The following MICALL2 variants were observed in gnomAD, a reference collection of about 807,000 sequenced individuals.
MICALL2 encodes MICAL-like protein 2.
A neutral mutation model predicts 91.1 loss-of-function variants in MICALL2; 111 were observed. The observed-to-expected ratio is 1.22, with a 90% CI of 1.04 to 1.43. The LOEUF (loss-of-function observed/expected upper bound fraction) is 1.43, where lower values mean the gene tolerates loss of function less well. MICALL2 is among the 40% of genes most tolerant of loss of function. The pLI is 0.00. For synonymous variants in MICALL2, 694 were observed against 525.3 expected, an observed-to-expected ratio of 1.32 and a Z score of -4.39; for missense variants, 1,556 against 1,236.0, an observed-to-expected ratio of 1.26 and a Z score of -3.88.
At position 1,434,557 on chromosome 7, in the gene MICALL2, G is replaced by A. The variant is rs1584189191; in HGVS notation, c.*39C>T. ...GCCCATGGCCCCGAGTCCAAGTCCG[G>A]ATGCCAGGTCCGGGCCGAGCCCACG... On this transcript the variant is annotated 3_prime_UTR_variant, in exon 17 of 17. Transcript: ENST00000297508. The A allele has an allele frequency of 4.5e-6, 7 of 1,558,422 alleles. No individual in the cohort carries two copies. The Admixed American group carries it at 8.4e-5, about 19-fold the overall frequency.
In MICALL2 at chr7:1,444,967, G is replaced by A. The variant is rs1271289393; in HGVS notation, c.1103C>T (p.Ala368Val). 6.6e-7 allele frequency: 1 copy of A among 1,506,750 alleles called. No homozygotes were observed. The highest frequency in any genetic ancestry group is 1.4e-5 in the African/African-American group (1 of 72,586). The allele number at this position is 1,506,750 out of a possible 1,614,324, so 93.3% of individuals were successfully genotyped here. ...GGGTGTGGCCGGGCGAGGGTCTGGG[G>A]CACTCGGGGGCACGGCGGGATGGGA... is the stretch of plus-strand genomic sequence containing the variant. ...AASHPAVPPS[A>V]PDPRPATPQG... The change falls in exon 6 of 17, where the codon GCC (alanine) becomes GTC (valine). Residue 368 changes from alanine (A) to valine (V), a missense_variant. Ala to Val is a moderately conservative substitution (Grantham distance 64). Coordinates refer to ENST00000297508, the MANE Select transcript of MICALL2 (RefSeq NM_182924.4).
At chr7:1,437,480 T>A in intron 14 of MICALL2, 55 bp downstream of exon 14, 4 of 1,457,710 alleles carry the variant, frequency 2.7e-6, no homozygotes, top group Non-Finnish European at 3.6e-6. Flanking sequence ...CCAGACATCC[T>A]GGGCTCCGCG....
chr7:1,439,873 G>C (rs898742278), intron 9 of MICALL2, 52 bp downstream of exon 9: 1 of 1,377,792 alleles, frequency 7.3e-7, no homozygotes, highest in Non-Finnish European at 9.4e-7. Context: ...CCCACCCAAG[G>C]GGGAGGGCCA....
At chr7:1,458,760 TC>T in intron 1 of MICALL2, among the ~76,000 whole-genome samples, 1 of 152,026 alleles carries the variant, frequency 6.6e-6, no homozygotes, top group Non-Finnish European at 1.5e-5. Context: ...CCTGGCCACA[TC>T]CCCCCAGGGG....
At chr7:1,450,195 C>A (rs1780774471) in intron 2 of MICALL2, 45 bp downstream of exon 2, 1 of 1,555,372 alleles carries the variant, frequency 6.4e-7, no homozygotes, top group East Asian at 2.2e-5. Context: ...TGGGGCTCAG[C>A]AGGCTGGCTA....
intron 1 of MICALL2, among the ~76,000 whole-genome samples, chr7:1,456,161 C>T (rs1374945847): frequency 3.3e-5 from 5 of 150,882 alleles, no homozygotes; most frequent in Non-Finnish European, 1.5e-5. Context: ...CGGCTCACAT[C>T]TGTAATCCCA....
At chr7:1,436,986 G>A in intron 14 of MICALL2, 130 bp from the exon 15 acceptor site, 1 of 612,540 alleles carries the variant, frequency 1.6e-6, no homozygotes, top group Non-Finnish European at 2.7e-6. Flanking sequence ...GGGGGATCCG[G>A]AGCAGAATGA....
At position 1,459,262 on chromosome 7, in the gene MICALL2, T is replaced by C. The variant is rs754395982; in HGVS notation, c.65A>G (p.Asn22Ser). 1.2e-6 allele frequency: 2 copies of C among 1,610,144 alleles called. No homozygotes were observed. The highest frequency in any genetic ancestry group is 2.2e-5 in the South Asian group (2 of 90,534). ...RQQCEGYRDV[N>S]ICNMTTSFRD... is the part of the protein sequence containing the mutation. ...GAACGACGTGGTCATGTTGCAGATA[T>C]TCACGTCGCGGTAGCCCTCGCACTG... Residue 22 changes from asparagine (N) to serine (S), a missense_variant, in exon 1 of 17, where the codon AAT becomes AGT. Asn to Ser is a conservative substitution (Grantham distance 46, BLOSUM62 1). Coordinates refer to ENST00000297508, the MANE Select transcript of MICALL2 (RefSeq NM_182924.4).
rs147438085 is a variant in MICALL2, at chr7:1,443,266, G to C, written c.1419-782C>G. Among the ~76,000 whole-genome samples the C allele has an allele frequency of 5.3e-3, 803 of 151,364 alleles. 1 individual carries two copies. Among genetic ancestry groups the C allele is most frequent in the Non-Finnish European group, 9.6e-3 (652 of 67,752 alleles). ...CATCCTCAGTCCCTAGGATGCCCTG[G>C]ACACCCCCCAGTGCCAGGAGGAGCA... On this transcript the variant is annotated intron_variant, in intron 6 of 16. Coordinates refer to ENST00000297508, the MANE Select transcript of MICALL2 (RefSeq NM_182924.4).
intron 7 of MICALL2, chr7:1,441,436 G>A (rs1301415364): frequency 6.5e-6 from 1 of 153,338 alleles, no homozygotes; most frequent in Non-Finnish European, 1.5e-5. Flanking sequence ...GATCACCCAG[G>A]GGGCTAACCC....
chr7:1,448,902 G>A (rs1584227287), intron 2 of MICALL2, 141 bp from the exon 3 acceptor site: 8 of 974,382 alleles, frequency 8.2e-6, no homozygotes, highest in Admixed American at 2.4e-5. Flanking sequence ...TTCTGCTCGC[G>A]TGGCCTCCCG....
At position 1,437,914 on chromosome 7, in the gene MICALL2, C is replaced by G; in HGVS notation, c.2378G>C (p.Arg793Thr). 1 of 1,549,354 alleles carries G rather than the reference C, an allele frequency of 6.5e-7. No homozygotes were observed. The highest frequency in any genetic ancestry group is 8.7e-7 in the Non-Finnish European group (1 of 1,146,884). Reference protein sequence around the residue: ...WLIHEKQLLLRQESELMYKSK... With the variant: ...WLIHEKQLLLTQESELMYKSK... Reference sequence around the variant, plus strand: ...CTTGTACATCAGCTCTGACTCCTGTCTCAGCAGAAGCTGCTTCTCGTGAAT... The same window carrying G: ...CTTGTACATCAGCTCTGACTCCTGTGTCAGCAGAAGCTGCTTCTCGTGAAT... Residue 793 changes from arginine to threonine, a missense_variant, in exon 13 of 17, where the codon AGA (arginine) becomes ACA (threonine). By Grantham distance (71) the Arg-to-Thr change is moderately conservative. Coordinates refer to ENST00000297508, the MANE Select transcript of MICALL2 (RefSeq NM_182924.4).
intron 7 of MICALL2, chr7:1,441,708 G>A (rs148888763): frequency 0.048 from 8,625 of 179,420 alleles, 393 homozygotes; most frequent in Admixed American, 0.14. Context: ...ATAGGGCACC[G>A]TCACCGGGAC....
chr7:1,458,769 G>C (rs1781108148), intron 1 of MICALL2, among the ~76,000 whole-genome samples: 1 of 152,340 alleles, frequency 6.6e-6, no homozygotes, highest in Admixed American at 6.5e-5. Flanking sequence ...ATCCCCCCAG[G>C]GGCCTGAACA....
At chr7:1,439,441 GAC>G (rs200798085) in intron 9 of MICALL2, 95 of 178,260 alleles carry the variant, frequency 5.3e-4, no homozygotes, top group East Asian at 3.4e-3. Context: ...TGTACACATG[GAC>G]ACACATGCAT....
At chr7:1,439,490 T>TCA (rs140963409) in intron 9 of MICALL2, 177,503 of 188,134 alleles carry the variant, frequency 0.94, 83,875 homozygotes, top group East Asian at 1. Context: ...GACACATGCA[T>TCA]CACGTGTGGG....
Position 1,437,877 on chromosome 7 carries a change from G to A in MICALL2, c.2402+13C>T, listed in dbSNP as rs376437338. ...CCTGGCCTTCGAGGAGGGGCCCACG[G>A]CTGGGCTCTCACTTGTACATCAGCT... On this transcript the variant is annotated intron_variant, in intron 13 of 16. Transcript: ENST00000297508. 4 of 1,547,726 alleles carry A rather than the reference G, an allele frequency of 2.6e-6. No homozygotes were observed. The highest frequency in any genetic ancestry group is 1.4e-5 in the African/African-American group (1 of 73,070).
intron 14 of MICALL2, chr7:1,437,189 A>G: frequency 2.1e-6 from 1 of 484,122 alleles, no homozygotes; most frequent in Non-Finnish European, 3.6e-6. Flanking sequence ...CAGCCAGGGC[A>G]CCCTGCATCA....
Position 1,459,356 on chromosome 7 carries a change from C to A in MICALL2, c.-30G>T. The A allele has an allele frequency of 2.0e-6, 3 of 1,482,924 alleles. No homozygotes were observed. Among genetic ancestry groups the A allele is most frequent in the Non-Finnish European group, 2.7e-6 (3 of 1,116,432 alleles). 91.9% of individuals were successfully genotyped at this position (1,482,924 alleles called of 1,614,324 possible). ...GCGGCGCGCCCGCCGCGCGGCGGAA[C>A]CGCCCTCCGACACCTTCCCGCGGCT... On this transcript the variant is annotated 5_prime_UTR_variant, in exon 1 of 17. Transcript: ENST00000297508.
Sources: gnomAD v4.1 joint callset for allele counts (sites outside exome capture counted in the v4.1 genomes callset) on GRCh38, gnomAD v4.1.1 for gene constraint, MANE v1.5 for transcripts, NCBI Gene and HGNC (gene_info 2026-07-23, HGNC 2026-07-21) for gene names.